BIN1: variants seen among roughly 807,000 people sequenced by gnomAD.
BIN1 encodes bridging integrator 1.
In BIN1, 53 loss-of-function variants were observed where a neutral mutation model predicts 82.0. The observed-to-expected ratio is 0.65, with a 90% confidence interval of 0.52 to 0.81. The LOEUF (loss-of-function observed/expected upper bound fraction) is 0.81. BIN1 is among the 40% of genes least tolerant of loss of function. The pLI is 0.00. For synonymous variants in BIN1, 302 were observed against 328.0 expected (o/e 0.92, Z 0.86); for missense variants, 642 against 784.4 (o/e 0.82, Z 2.17).
intron 1 of BIN1, among the ~76,000 whole-genome samples, chr2:127,092,955 C>T (rs1194762238): frequency 6.6e-6 from 1 of 151,766 alleles, no homozygotes; most frequent in African/African-American, 2.4e-5. Flanking sequence ...CAGTAAGGGG[C>T]TGAGCAGACA....
intron 13 of BIN1, 195 bp downstream of exon 13, chr2:127,053,710 C>G (rs978353784): frequency 2.9e-6 from 2 of 700,720 alleles, no homozygotes; most frequent in Non-Finnish European, 5.0e-6. Context: ...TAACCCCCTA[C>G]TGAGAGTTCT....
rs1558889005 is a variant in BIN1, at chr2:127,101,005, G to GGGGGC, written c.84+5854_84+5855insGCCCC. Among the ~76,000 whole-genome samples the GGGGGC allele has an allele frequency of 8.6e-5, 10 of 116,318 alleles. 3 individuals carry two copies. The highest frequency in any genetic ancestry group is 3.1e-4 in the African/African-American group (10 of 32,300). The allele number at this position is 116,318 out of a possible 152,430, so 76.3% of individuals were successfully genotyped here. ...GCCCAAGGGTAGGAATGTGCGGGGG[G>GGGGGC]TGGGGATAGACTCAAACTCAGCTGT... On this transcript the variant is annotated intron_variant, in intron 1 of 18. Transcript: ENST00000316724.
Position 127,082,627 on chromosome 2 carries a change from G to C in BIN1, c.85-5921C>G, listed in dbSNP as rs530878200. Among the ~76,000 whole-genome samples the C allele has an allele frequency of 6.6e-6, 1 of 152,272 alleles. No homozygotes were observed. The highest frequency in any genetic ancestry group is 2.1e-4 in the South Asian group (1 of 4,824). ...AGTCTTAAACCCCCAGGGGCAGAGG[G>C]AGCCAGTCTGAGGACAGTCCCGCAG... On this transcript the variant is annotated intron_variant, in intron 1 of 18. Coordinates refer to ENST00000316724, the MANE Select transcript of BIN1 (RefSeq NM_139343.3). The surrounding 1 kb of genome is among the most constrained non-coding windows in gnomAD (Gnocchi z 6.1).
At chr2:127,060,523 G>A (rs1684300045) in intron 10 of BIN1, 1 of 1,602,642 alleles carries the variant, frequency 6.2e-7, no homozygotes, top group Non-Finnish European at 8.5e-7. Context: ...CTGGGAGCAG[G>A]GCGCAAGGCG....
intron 1 of BIN1, among the ~76,000 whole-genome samples, chr2:127,087,081 G>A (rs1678269289): frequency 6.6e-6 from 1 of 152,212 alleles, no homozygotes; most frequent in Non-Finnish European, 1.5e-5. Flanking sequence ...GCAAAAAGTG[G>A]TGTTGGGTTT....
chr2:127,064,186 C>T (rs1684864653), intron 7 of BIN1, among the ~76,000 whole-genome samples, 168 bp from the exon 8 acceptor site: 1 of 152,240 alleles, frequency 6.6e-6, no homozygotes. Flanking sequence ...GGCGACCTCC[C>T]CCTGCAGCCC....
In BIN1 at chr2:127,068,193, G is replaced by C; in HGVS notation, c.582C>G (p.Leu194=). The change falls in exon 7 of 19, where the codon CTC becomes CTG. Residue 194 remains leucine (L), a synonymous_variant. Transcript: ENST00000316724. The surrounding 1 kb of genome is among the most constrained non-coding windows in gnomAD (Gnocchi z 4.9). ...QWCQGKLQAH[L]VAQTNLLRNQ... ...TTCGGAGCAGGTTAGTTTGAGCTACGAGATGAGCCTGCAGTTTGCCTTGGC... is the reference window on the plus strand; with the variant it reads ...TTCGGAGCAGGTTAGTTTGAGCTACCAGATGAGCCTGCAGTTTGCCTTGGC... 6.2e-7 allele frequency: 1 copy of C among 1,613,832 alleles called. No homozygotes were observed. The highest frequency in any genetic ancestry group is 8.5e-7 in the Non-Finnish European group (1 of 1,179,964).
At chr2:127,063,905 G>T (rs768734080) in intron 8 of BIN1, 28 bp downstream of exon 8, 2 of 1,612,488 alleles carry the variant, frequency 1.2e-6, no homozygotes, top group South Asian at 2.2e-5. Context: ...ACTGCCCCAC[G>T]CAGGCTGGGC....
intron 10 of BIN1, chr2:127,060,573 T>G (rs1183371061): frequency 6.2e-7 from 1 of 1,613,910 alleles, no homozygotes; most frequent in Non-Finnish European, 8.5e-7. Flanking sequence ...TCTGCGCCCC[T>G]CCGCAGCACT....
Position 127,093,680 on chromosome 2 carries a change from C to T in BIN1, c.84+13180G>A, listed in dbSNP as rs554944959. On this transcript the variant is annotated intron_variant, in intron 1 of 18. Transcript: ENST00000316724. The surrounding 1 kb of genome is among the most constrained non-coding windows in gnomAD (Gnocchi z 5.7). Reference sequence around the variant, plus strand: ...TTGCATCTTCATCGTTGAAGGCTCCCGTGTCATGTAAAACATTGATTAAAG... The same window carrying T: ...TTGCATCTTCATCGTTGAAGGCTCCTGTGTCATGTAAAACATTGATTAAAG... Among the ~76,000 whole-genome samples the T allele has an allele frequency of 6.6e-5, 10 of 152,322 alleles. No individual in the cohort carries two copies. The highest frequency in any genetic ancestry group is 4.6e-4 in the Admixed American group (7 of 15,296).
At chr2:127,098,419 T>C (rs970374138) in intron 1 of BIN1, among the ~76,000 whole-genome samples, 4 of 152,110 alleles carry the variant, frequency 2.6e-5, no homozygotes, top group African/African-American at 9.7e-5. Flanking sequence ...AGAGGGGAGA[T>C]GTCTGCAGAC....
chr2:127,070,961 A>T, intron 2 of BIN1, 145 bp from the exon 3 acceptor site: 1 of 781,354 alleles, frequency 1.3e-6, no homozygotes, highest in Non-Finnish European at 2.1e-6. Context: ...ACAGGACAGC[A>T]GCTACGGTCA....
At position 127,057,325 on chromosome 2, in the gene BIN1, T is replaced by C; in HGVS notation, c.1131+148A>G. On this transcript the variant is annotated intron_variant, in intron 12 of 18. Coordinates refer to ENST00000316724, the MANE Select transcript of BIN1 (RefSeq NM_139343.3). This position sits in a 1 kb window ranked among gnomAD's most constrained non-coding sequence, Gnocchi z 5.0. The stretch of plus-strand genomic sequence containing the variant: ...ATGGAGGATGATGGAGGATGATGGA[T>C]GGAGGGAACAAAGGGTGAGAGAGGG... 1 of 1,102,102 alleles carries C rather than the reference T, an allele frequency of 9.1e-7. No individual in the cohort carries two copies. 68.3% of individuals were successfully genotyped at this position (1,102,102 alleles called of 1,614,324 possible). A position where few individuals can be genotyped will look rare whatever the true frequency, so the allele number is the denominator to read the frequency against.
At chr2:127,085,568 A>C (rs1031457897) in intron 1 of BIN1, among the ~76,000 whole-genome samples, 3 of 152,176 alleles carry the variant, frequency 2.0e-5, no homozygotes, top group African/African-American at 7.2e-5. Flanking sequence ...CCACAGAGAC[A>C]AGCAAGAGGC....
chr2:127,091,411 T>C (rs1298933559), intron 1 of BIN1, among the ~76,000 whole-genome samples: 1 of 152,228 alleles, frequency 6.6e-6, no homozygotes, highest in Non-Finnish European at 1.5e-5. Flanking sequence ...TCTTTGCCGA[T>C]GCAGAAACAA....
intron 14 of BIN1, chr2:127,052,662 A>C: frequency 2.3e-6 from 1 of 437,244 alleles, no homozygotes. Context: ...CCAGAGGGAA[A>C]TCCTGCGGTG....
chr2:127,105,111 G>C (rs1395533938), intron 1 of BIN1, among the ~76,000 whole-genome samples: 1 of 152,190 alleles, frequency 6.6e-6, no homozygotes, highest in Non-Finnish European at 1.5e-5. Flanking sequence ...CCACCTCCTT[G>C]GAGGGGACAC....
chr2:127,050,281 G>T (rs1682734428), intron 18 of BIN1, 140 bp downstream of exon 18: 4 of 812,428 alleles, frequency 4.9e-6, no homozygotes, highest in Non-Finnish European at 8.3e-6. Flanking sequence ...TGGAGGGCGG[G>T]GAGGAGCAGT....
Position 127,048,394 on chromosome 2 carries a change from G to T in BIN1, c.*132C>A. 1 of 864,930 alleles carries T rather than the reference G, an allele frequency of 1.2e-6. No homozygotes were observed. The highest frequency in any genetic ancestry group is 1.9e-6 in the Non-Finnish European group (1 of 539,638). 53.6% of individuals were successfully genotyped at this position (864,930 alleles called of 1,614,324 possible). A position where few individuals can be genotyped will look rare whatever the true frequency, so the allele number is the denominator to read the frequency against. ...CTAATCTTTGGGAGAACGCCCCTCT[G>T]CCTGGGGGTCTCCTCTTGATTTCCC... On this transcript the variant is annotated 3_prime_UTR_variant, in exon 19 of 19. Coordinates refer to ENST00000316724, the MANE Select transcript of BIN1 (RefSeq NM_139343.3).
Sources: allele counts gnomAD v4.1 joint callset (sites outside exome capture counted in the v4.1 genomes callset), GRCh38; gene constraint gnomAD v4.1.1; non-coding constraint Gnocchi (gnomAD v3.1); transcripts MANE v1.5; gene names NCBI Gene and HGNC (gene_info 2026-07-23, HGNC 2026-07-21).